Variants in AP3B1 observed in about 807,000 individuals in gnomAD.
AP3B1 encodes the protein adaptor related protein complex 3 subunit beta 1, also known as AP-3 complex subunit beta-1.
Under a neutral mutation model 132.5 loss-of-function variants are expected in AP3B1, and 61 were observed. The observed-to-expected ratio is 0.46, with a 90% confidence interval of 0.37 to 0.57. AP3B1 has a LOEUF of 0.57. AP3B1 is among the 20% of genes least tolerant of loss of function. The pLI is 0.00. For missense variants in AP3B1, 1,120 were observed against 1,289.4 expected, an observed-to-expected ratio of 0.87 and a Z score of 2.01; for synonymous variants, 388 against 438.3, an observed-to-expected ratio of 0.89 and a Z score of 1.43.
intron 14 of AP3B1, among the ~76,000 whole-genome samples, chr5:78,145,113 C>G (rs1753330346): frequency 6.6e-6 from 1 of 152,162 alleles, no homozygotes; most frequent in Non-Finnish European, 1.5e-5. Flanking sequence ...GTATTACAGA[C>G]ATAAATCTAT....
chr5:78,186,220 T>G lies in AP3B1; in HGVS notation c.787-4558A>C, dbSNP rs1050558120. The stretch of plus-strand genomic sequence containing the variant: ...GGAAAAATACATAGCATGCTAATAT[T>G]AATCAAGGGAAAGCACAATAACTAT... On this transcript the variant is annotated intron_variant, in intron 7 of 26. Coordinates refer to ENST00000255194, the MANE Select transcript of AP3B1 (RefSeq NM_003664.5). 1.1e-4 allele frequency among the ~76,000 whole-genome samples: 17 copies of G among 152,230 alleles called. No homozygotes were observed. The East Asian group carries it at 1.2e-3, about 10-fold the overall frequency.
chr5:78,270,034 T>A (rs968821553), intron 1 of AP3B1, among the ~76,000 whole-genome samples: 2 of 152,092 alleles, frequency 1.3e-5, no homozygotes, highest in Admixed American at 6.5e-5. Context: ...TGCCTCAGCC[T>A]CCTGAGTAGC....
chr5:78,016,706 C>T (rs189267163), intron 25 of AP3B1, among the ~76,000 whole-genome samples: 172 of 152,096 alleles, frequency 1.1e-3, no homozygotes, highest in African/African-American at 3.9e-3. Flanking sequence ...AGACTTTTGC[C>T]GTCAGTTAGA....
At chr5:78,232,065 A>G (rs560674890) in intron 3 of AP3B1, among the ~76,000 whole-genome samples, 18 of 152,346 alleles carry the variant, frequency 1.2e-4, no homozygotes, top group African/African-American at 4.3e-4. Context: ...CTTTAAAGGA[A>G]TATTAATTAC....
intron 22 of AP3B1, among the ~76,000 whole-genome samples, chr5:78,082,821 C>CT (rs747096103): frequency 3.9e-4 from 56 of 144,692 alleles, no homozygotes; most frequent in East Asian, 1.6e-3. Flanking sequence ...CTTGGGAACC[C>CT]TTTTTTTTTT....
intron 22 of AP3B1, among the ~76,000 whole-genome samples, chr5:78,061,703 A>G (rs994221843): frequency 5.3e-5 from 8 of 152,248 alleles, no homozygotes; most frequent in Admixed American, 5.2e-4. Context: ...TTCCAACTGC[A>G]TATTATCACC....
chr5:78,154,072 A>G (rs899891686), intron 14 of AP3B1, among the ~76,000 whole-genome samples: 5 of 152,202 alleles, frequency 3.3e-5, no homozygotes, highest in Non-Finnish European at 7.4e-5. Flanking sequence ...CTTCCTGCTT[A>G]CTACCATCCT....
chr5:78,227,995 A>C, intron 4 of AP3B1, 149 bp downstream of exon 4: 1 of 530,514 alleles, frequency 1.9e-6, no homozygotes, highest in Non-Finnish European at 3.3e-6. Flanking sequence ...TTATTTTCTA[A>C]GTGTACTGAG....
At chr5:78,019,261 G>A (rs1290477270) in intron 25 of AP3B1, among the ~76,000 whole-genome samples, 1 of 152,026 alleles carries the variant, frequency 6.6e-6, no homozygotes, top group Admixed American at 6.6e-5. Context: ...GGTTCTGTAT[G>A]GCTAGTCAGC....
intron 2 of AP3B1, among the ~76,000 whole-genome samples, chr5:78,263,814 T>G (rs549173299): frequency 3.9e-4 from 59 of 152,338 alleles, no homozygotes; most frequent in Admixed American, 2.8e-3. Context: ...AATTTTGTGT[T>G]ATTTTTAAAT....
intron 22 of AP3B1, among the ~76,000 whole-genome samples, chr5:78,050,925 C>T (rs1343714038): frequency 6.6e-6 from 1 of 152,008 alleles, no homozygotes; most frequent in African/African-American, 2.4e-5. Context: ...GTTAACAGAA[C>T]AAAAAGCATC....
At chr5:78,084,521 CAAAAAAAAAAAA>C (rs568637894) in intron 22 of AP3B1, among the ~76,000 whole-genome samples, 6 of 44,004 alleles carry the variant, frequency 1.4e-4, no homozygotes, top group South Asian at 9.0e-4. Context: ...CAGACCCTGT[CAAAAAAAAAAAA>C]AAAAAAAAAA....
At chr5:78,282,975 C>G (rs1187415566) in intron 1 of AP3B1, among the ~76,000 whole-genome samples, 1 of 152,108 alleles carries the variant, frequency 6.6e-6, no homozygotes, top group Non-Finnish European at 1.5e-5. Flanking sequence ...GCACCCCAGC[C>G]TGGGGCACAG....
At chr5:78,096,785 G>C (rs374212977) in intron 21 of AP3B1, among the ~76,000 whole-genome samples, 1 of 150,978 alleles carries the variant, frequency 6.6e-6, no homozygotes, top group South Asian at 2.1e-4. Flanking sequence ...CAGCCGCCCC[G>C]TCTGGGAAGT....
At chr5:78,113,036 G>C (rs771524168) in intron 19 of AP3B1, among the ~76,000 whole-genome samples, 1 of 152,174 alleles carries the variant, frequency 6.6e-6, no homozygotes, top group Non-Finnish European at 1.5e-5. Context: ...TTTAATTACT[G>C]TCTGTAATAA....
intron 1 of AP3B1, among the ~76,000 whole-genome samples, chr5:78,282,958 G>A (rs1002467389): frequency 6.6e-5 from 10 of 151,904 alleles, no homozygotes; most frequent in African/African-American, 2.4e-4. Context: ...GCCATGATAG[G>A]GCCACTGCAC....
chr5:78,041,258 G>A (rs1384503717), intron 22 of AP3B1, among the ~76,000 whole-genome samples: 1 of 145,358 alleles, frequency 6.9e-6, no homozygotes, highest in African/African-American at 2.6e-5. Flanking sequence ...TGGGCAACAA[G>A]AGCAAAACTC....
intron 1 of AP3B1, among the ~76,000 whole-genome samples, chr5:78,279,708 A>C (rs1264024126): frequency 1.3e-5 from 2 of 151,352 alleles, no homozygotes; most frequent in Non-Finnish European, 2.9e-5. Flanking sequence ...CAGGAGTTCA[A>C]GAACAGCCTG....
chr5:78,239,154 T>A (rs1561495223), intron 3 of AP3B1, among the ~76,000 whole-genome samples: 1 of 151,794 alleles, frequency 6.6e-6, no homozygotes, highest in Non-Finnish European at 1.5e-5. Flanking sequence ...CAAAAAATAC[T>A]AAATTAAGGG....
Sources: gnomAD v4.1 joint callset for allele counts (sites outside exome capture counted in the v4.1 genomes callset) on GRCh38, gnomAD v4.1.1 for gene constraint, MANE v1.5 for transcripts, NCBI Gene and HGNC (gene_info 2026-07-23, HGNC 2026-07-21) for gene names.